The following L3MBTL4 variants were observed in gnomAD, a reference collection of about 807,000 sequenced individuals.
The protein encoded by L3MBTL4 is L3MBTL histone methyl-lysine binding protein 4, also known as lethal(3)malignant brain tumor-like protein 4.
In L3MBTL4, 70 loss-of-function variants were observed where a neutral mutation model predicts 84.5. The ratio of observed to expected loss-of-function variants is 0.83; its 90% CI spans 0.68 to 1.01. The LOEUF is 1.01. L3MBTL4 is among the 50% of genes least tolerant of loss of function. L3MBTL4 has a pLI of 0.00. For synonymous variants in L3MBTL4, 274 were observed against 259.8 expected, an observed-to-expected ratio of 1.05 and a Z score of -0.52; for missense variants, 715 against 754.8, an observed-to-expected ratio of 0.95 and a Z score of 0.62.
intron 10 of L3MBTL4, among the ~76,000 whole-genome samples, chr18:6,216,057 C>A (rs1422601959): frequency 6.6e-6 from 1 of 152,188 alleles, no homozygotes; most frequent in Non-Finnish European, 1.5e-5. Flanking sequence ...TACTCTCATT[C>A]ACTCAACAAG....
chr18:6,303,400 C>T (rs1273979063), intron 3 of L3MBTL4, among the ~76,000 whole-genome samples: 1 of 152,134 alleles, frequency 6.6e-6, no homozygotes, highest in Non-Finnish European at 1.5e-5. Flanking sequence ...GGATTACAGG[C>T]ATGCACCACT....
At chr18:6,217,644 G>T (rs1381588158) in intron 10 of L3MBTL4, among the ~76,000 whole-genome samples, 1 of 152,142 alleles carries the variant, frequency 6.6e-6, no homozygotes, top group East Asian at 1.9e-4. Context: ...ATGCATCCAG[G>T]AGTAACACTG....
intron 16 of L3MBTL4, among the ~76,000 whole-genome samples, chr18:6,018,868 C>G (rs1013520798): frequency 6.6e-6 from 1 of 152,186 alleles, no homozygotes; most frequent in African/African-American, 2.4e-5. Context: ...CCTGAGGCTA[C>G]GCAAGTTAAT....
intron 16 of L3MBTL4, among the ~76,000 whole-genome samples, chr18:5,991,594 G>A (rs975795805): frequency 1.3e-5 from 2 of 152,174 alleles, no homozygotes; most frequent in African/African-American, 4.8e-5. Context: ...AGCGAGGAAA[G>A]AGGAAGATCT....
chr18:6,038,966 G>A, intron 16 of L3MBTL4, among the ~76,000 whole-genome samples: 1 of 151,934 alleles, frequency 6.6e-6, no homozygotes. Flanking sequence ...TGCCCTATAA[G>A]AAAAGACACC....
Position 6,414,356 on chromosome 18 carries a change from C to T in L3MBTL4, c.-91+445G>A, listed in dbSNP as rs1312767060. On this transcript the variant is annotated intron_variant, in intron 1 of 18. Coordinates refer to ENST00000317931, the MANE Select transcript of L3MBTL4 (RefSeq NM_001330559.2). The surrounding 1 kb of genome is among the most constrained non-coding windows in gnomAD (Gnocchi z 5.4). ...CGTTAGCCCCAGAGGAAACAAAAGC[C>T]AAATGCCCACCGCCGGGCGCTCGAT... Among the ~76,000 whole-genome samples, 1 of 152,192 alleles carries T rather than the reference C, an allele frequency of 6.6e-6. No individual in the cohort carries two copies. Among genetic ancestry groups the T allele is most frequent in the African/African-American group, 2.4e-5 (1 of 41,458 alleles).
intron 16 of L3MBTL4, among the ~76,000 whole-genome samples, chr18:6,039,054 C>A (rs2056285556): frequency 6.6e-6 from 1 of 151,986 alleles, no homozygotes; most frequent in Non-Finnish European, 1.5e-5. Context: ...CTCTCTCCCC[C>A]AGCCCCATGC....
chr18:5,959,349 G>A (rs539469964), intron 18 of L3MBTL4, among the ~76,000 whole-genome samples: 4 of 152,146 alleles, frequency 2.6e-5, no homozygotes, highest in Non-Finnish European at 5.9e-5. Context: ...TTGTCACAAG[G>A]ATCAAAGGAT....
intron 1 of L3MBTL4, among the ~76,000 whole-genome samples, chr18:6,320,879 T>C (rs1287550937): frequency 6.6e-6 from 1 of 152,130 alleles, no homozygotes; most frequent in Non-Finnish European, 1.5e-5. Context: ...AGCATGGTAC[T>C]GGTATAAAAA....
chr18:6,108,140 T>C (rs2144024839), intron 14 of L3MBTL4, among the ~76,000 whole-genome samples: 1 of 152,274 alleles, frequency 6.6e-6, no homozygotes, highest in Middle Eastern at 3.4e-3. Flanking sequence ...GTGTCACGCA[T>C]GGTCCCTGGT....
intron 10 of L3MBTL4, among the ~76,000 whole-genome samples, chr18:6,217,562 A>G (rs561800937): frequency 6.6e-6 from 1 of 152,304 alleles, no homozygotes; most frequent in South Asian, 2.1e-4. Context: ...TTTGGGAGCT[A>G]TTATTAAAAA....
At chr18:6,334,368 G>T (rs796900055) in intron 1 of L3MBTL4, among the ~76,000 whole-genome samples, 5 of 152,076 alleles carry the variant, frequency 3.3e-5, no homozygotes, top group Non-Finnish European at 7.3e-5. Flanking sequence ...GGCACAAAGG[G>T]TGATACTCTA....
chr18:6,103,136 A>G (rs2058890019), intron 14 of L3MBTL4, among the ~76,000 whole-genome samples: 1 of 152,230 alleles, frequency 6.6e-6, no homozygotes, highest in Non-Finnish European at 1.5e-5. Context: ...CATGGAGAAG[A>G]TCTGATGAAT....
rs527593599 is a variant in L3MBTL4 at position 6,223,731 on chromosome 18, G to T, written c.785-7896C>A. ...CAGGCCAACCCATGTGAGTAGAAAT[G>T]ATGTAATAAGCTACCTCCAAGTTTG... On this transcript the variant is annotated intron_variant, in intron 10 of 18. Transcript: ENST00000317931. 7.2e-5 allele frequency among the ~76,000 whole-genome samples: 11 copies of T among 152,282 alleles called. No homozygotes were observed. In the South Asian group the frequency reaches 2.3e-3, roughly 32 times the overall value.
Position 6,360,046 on chromosome 18 carries a change from A to G in L3MBTL4, c.-90-47990T>C, listed in dbSNP as rs529251218. On this transcript the variant is annotated intron_variant, in intron 1 of 18. Coordinates refer to ENST00000317931, the MANE Select transcript of L3MBTL4 (RefSeq NM_001330559.2). The stretch of plus-strand genomic sequence containing the variant: ...TCTGTTTCATGAATACAGTACTTAT[A>G]GAGAAACAGAACTCTATAAGGAGAA... 2.6e-5 allele frequency among the ~76,000 whole-genome samples: 4 copies of G among 152,362 alleles called. No homozygotes were observed. The South Asian group carries it at 8.3e-4, about 32-fold the overall frequency.
At chr18:6,332,542 A>T (rs1425281965) in intron 1 of L3MBTL4, among the ~76,000 whole-genome samples, 2 of 152,210 alleles carry the variant, frequency 1.3e-5, no homozygotes, top group Non-Finnish European at 2.9e-5. Flanking sequence ...CCTAACCAAA[A>T]CCAAAGAGAT....
At chr18:6,370,133 C>CAAAAAAA (rs35835409) in intron 1 of L3MBTL4, among the ~76,000 whole-genome samples, 1 of 88,264 alleles carries the variant, frequency 1.1e-5, no homozygotes, top group African/African-American at 4.3e-5. Flanking sequence ...GACTCGGTCT[C>CAAAAAAA]AAAAAAAAAA....
chr18:6,112,340 G>A (rs1170128683), intron 14 of L3MBTL4, among the ~76,000 whole-genome samples: 1 of 152,166 alleles, frequency 6.6e-6, no homozygotes, highest in Non-Finnish European at 1.5e-5. Context: ...TCCATAGTTA[G>A]TCTACCTTCC....
chr18:6,196,239 GC>G, intron 12 of L3MBTL4, among the ~76,000 whole-genome samples: 2 of 146,976 alleles, frequency 1.4e-5, no homozygotes, highest in East Asian at 2.0e-4. Context: ...CTCACTGCAA[GC>G]TCCACCTCCC....
Sources: allele counts gnomAD v4.1 joint callset (sites outside exome capture counted in the v4.1 genomes callset), GRCh38; gene constraint gnomAD v4.1.1; non-coding constraint Gnocchi (gnomAD v3.1); transcripts MANE v1.5; gene names NCBI Gene and HGNC (gene_info 2026-07-23, HGNC 2026-07-21).